NAV2: variants seen among roughly 807,000 people sequenced by gnomAD.
NAV2 encodes neuron navigator 2.
A neutral mutation model predicts 223.2 loss-of-function variants in NAV2; 54 were observed. The ratio of observed to expected loss-of-function variants is 0.24; its 90% confidence interval spans 0.19 to 0.30. The LOEUF (loss-of-function observed/expected upper bound fraction) is 0.30, where lower values mean the gene tolerates loss of function less well. Among genes scored for constraint, NAV2 ranks in the 10% least tolerant of loss-of-function variants. The pLI, the probability that NAV2 is intolerant of heterozygous loss-of-function variation, is 1.00. For synonymous variants in NAV2, 1,279 were observed against 1,239.3 expected, an observed-to-expected ratio of 1.03 and a Z score of -0.67; for missense variants, 2,806 against 3,147.5, an observed-to-expected ratio of 0.89 and a Z score of 2.60.
At position 20,118,389 on chromosome 11, in the gene NAV2, C is replaced by T; in HGVS notation, c.*131C>T. ...TTAGAGCTGCGGGAACACCGAGACC[C>T]CCCGTCCTTCAGCCTCGACCTGGGT... is the stretch of plus-strand genomic sequence containing the variant. On this transcript the variant is annotated 3_prime_UTR_variant, in exon 38 of 38. Transcript: ENST00000349880. The T allele has an allele frequency of 3.6e-6, 4 of 1,108,434 alleles. No individual in the cohort carries two copies. Among genetic ancestry groups the T allele is most frequent in the Non-Finnish European group, 5.2e-6 (4 of 772,284 alleles). The allele number at this position is 1,108,434 out of a possible 1,614,324, so 68.7% of individuals were successfully genotyped here.
chr11:19,828,941 C>T (rs1014392709), intron 1 of NAV2, among the ~76,000 whole-genome samples: 2 of 152,194 alleles, frequency 1.3e-5, no homozygotes, highest in Non-Finnish European at 1.5e-5. Flanking sequence ...GTACCTGATA[C>T]TTGTGTGGCC....
intron 1 of NAV2, among the ~76,000 whole-genome samples, chr11:19,582,176 T>A (rs2045739962): frequency 2.0e-5 from 3 of 152,248 alleles, no homozygotes; most frequent in Admixed American, 2.0e-4. Flanking sequence ...TTGAGAAGTG[T>A]CTGTTCATAT....
intron 6 of NAV2, among the ~76,000 whole-genome samples, chr11:19,916,260 T>C (rs2043797239): frequency 1.3e-5 from 2 of 152,218 alleles, no homozygotes; most frequent in Non-Finnish European, 2.9e-5. Flanking sequence ...CCCAAATATC[T>C]TCCAAGGCTA....
chr11:19,866,337 A>G (rs1214682012), intron 3 of NAV2, among the ~76,000 whole-genome samples: 1 of 152,236 alleles, frequency 6.6e-6, no homozygotes, highest in Non-Finnish European at 1.5e-5. Context: ...ACGCTGCCAG[A>G]CATTGACAAA....
At position 19,695,184 on chromosome 11, in the gene NAV2, A is replaced by T. The variant is rs150125881; in HGVS notation, c.76-137300A>T. On this transcript the variant is annotated intron_variant, in intron 1 of 37. Coordinates refer to the NAV2 transcript ENST00000360655. Reference sequence around the variant, plus strand: ...AGTCAGTTACCTGCTCTTATCTGGCAACCCAAGGTGGCCTTCAGGGAGTTG... The same window carrying T: ...AGTCAGTTACCTGCTCTTATCTGGCTACCCAAGGTGGCCTTCAGGGAGTTG... Among the ~76,000 whole-genome samples, 34 of 152,324 alleles carry T rather than the reference A, an allele frequency of 2.2e-4. No homozygotes were observed. In the South Asian group the frequency reaches 5.8e-3, roughly 26 times the overall value.
chr11:19,683,375 G>T (rs777138204), intron 1 of NAV2, among the ~76,000 whole-genome samples: 1 of 152,224 alleles, frequency 6.6e-6, no homozygotes. Context: ...AAAGAGAAAA[G>T]GTTGAGTTGG....
intron 1 of NAV2, chr11:19,777,854 C>A (rs1315122071): frequency 6.6e-6 from 3 of 455,814 alleles, no homozygotes; most frequent in Non-Finnish European, 1.3e-5. Context: ...TCTGCGCCCT[C>A]ACAGCCTGTC....
At chr11:19,526,170 G>T (rs1015849067) in intron 1 of NAV2, among the ~76,000 whole-genome samples, 10 of 152,252 alleles carry the variant, frequency 6.6e-5, no homozygotes, top group African/African-American at 2.4e-4. Flanking sequence ...GGCCATTACA[G>T]CTCCTCCTGG....
chr11:20,001,704 G>T (rs1388348698), intron 11 of NAV2, among the ~76,000 whole-genome samples: 1 of 130,468 alleles, frequency 7.7e-6, no homozygotes, highest in Admixed American at 8.0e-5. Context: ...GGGGCCTGTT[G>T]TGGGGTGGGG....
chr11:19,501,148 G>A (rs1186237375), intron 1 of NAV2, among the ~76,000 whole-genome samples: 1 of 152,074 alleles, frequency 6.6e-6, no homozygotes, highest in African/African-American at 2.4e-5. Flanking sequence ...ATCTCTCTCT[G>A]ACTGTCTACA....
intron 1 of NAV2, among the ~76,000 whole-genome samples, chr11:19,639,433 T>G (rs1247283442): frequency 2.0e-5 from 3 of 152,202 alleles, no homozygotes; most frequent in African/African-American, 7.2e-5. Context: ...AAGTTCCCAA[T>G]AGTTATACTT....
chr11:19,892,550 A>C lies in NAV2; in HGVS notation c.887A>C (p.Lys296Thr). 6.2e-7 allele frequency: 1 copy of C among 1,614,082 alleles called. No individual in the cohort carries two copies. Among genetic ancestry groups the C allele is most frequent in the South Asian group, 1.1e-5 (1 of 91,048 alleles). Residue 296 changes from lysine to threonine, a missense_variant, in exon 6 of 38, where the codon AAA (lysine) becomes ACA (threonine). Around this residue, in one of 4 missense-constraint regions of NAV2, gnomAD observed 1,167 missense variants for 1,180.5 expected, o/e 0.99. Coordinates refer to ENST00000349880, the MANE Select transcript of NAV2 (RefSeq NM_145117.5). The part of the protein sequence containing the change: ...SQSFNNYDKS[K>T]PVTSPPPPPS... ...AGCTTTAACAACTATGATAAATCCAAACCAGTCACCTCCCCACCCCCACCG... is the reference window on the plus strand; with the variant it reads ...AGCTTTAACAACTATGATAAATCCACACCAGTCACCTCCCCACCCCCACCG...
chr11:19,624,032 A>C (rs2047087560), intron 1 of NAV2, among the ~76,000 whole-genome samples: 1 of 152,144 alleles, frequency 6.6e-6, no homozygotes, highest in Non-Finnish European at 1.5e-5. Context: ...CTGGAGGTCC[A>C]CTCCAGACCC....
intron 1 of NAV2, among the ~76,000 whole-genome samples, chr11:19,357,494 TACTTAGC>T (rs1658329664): frequency 6.6e-6 from 1 of 152,214 alleles, no homozygotes; most frequent in South Asian, 2.1e-4. Flanking sequence ...TTTAACACAG[TACTTAGC>T]ACATAAGTAT....
intron 1 of NAV2, among the ~76,000 whole-genome samples, chr11:19,623,766 G>A (rs919200960): frequency 7.9e-5 from 12 of 152,160 alleles, no homozygotes; most frequent in South Asian, 2.1e-4. Context: ...CTCTCAACTC[G>A]TCAAAGTCAT....
intron 1 of NAV2, among the ~76,000 whole-genome samples, chr11:19,733,401 A>C (rs1037232830): frequency 1.3e-5 from 2 of 152,226 alleles, no homozygotes; most frequent in Non-Finnish European, 2.9e-5. Flanking sequence ...AAGTCTGTTC[A>C]GTTCTGGAGT....
chr11:20,051,410 G>A lies in NAV2; in HGVS notation c.4481+77G>A, dbSNP rs942716099. 2.8e-6 allele frequency: 4 copies of A among 1,412,206 alleles called. No homozygotes were observed. The African/African-American group carries it at 4.2e-5, about 15-fold the overall frequency. The allele number at this position is 1,412,206 out of a possible 1,614,324, so 87.5% of individuals were successfully genotyped here. On this transcript the variant is annotated intron_variant, in intron 17 of 37. Coordinates refer to ENST00000349880, the MANE Select transcript of NAV2 (RefSeq NM_145117.5). ...TGGCTGTGTGACTCCTTCATGGCTG[G>A]TGGGGGTTTGGGCTGGGCTGGGGTC...
At chr11:20,052,263 G>A (rs1348092468) in intron 17 of NAV2, among the ~76,000 whole-genome samples, 1 of 152,228 alleles carries the variant, frequency 6.6e-6, no homozygotes. Context: ...AGAGCATTTT[G>A]AACAGTAATG....
At chr11:20,056,639 A>T (rs541421957) in intron 19 of NAV2, 1 of 1,587,788 alleles carries the variant, frequency 6.3e-7, no homozygotes, top group South Asian at 1.1e-5. Flanking sequence ...GTGAGTAAGC[A>T]GTCAAAATTC....
Sources: allele counts gnomAD v4.1 joint callset (sites outside exome capture counted in the v4.1 genomes callset), GRCh38; gene constraint gnomAD v4.1.1; regional missense constraint gnomAD v4.1.1; transcripts MANE v1.5; gene names NCBI Gene and HGNC (gene_info 2026-07-23, HGNC 2026-07-21).